Variants in SLCO2A1 observed in about 807,000 individuals in gnomAD.
SLCO2A1 encodes the protein solute carrier organic anion transporter family member 2A1.
Under a neutral mutation model 71.7 loss-of-function variants are expected in SLCO2A1, and 60 were observed. The ratio of observed to expected loss-of-function variants is 0.84; its 90% CI spans 0.68 to 1.04. SLCO2A1 has a LOEUF of 1.04. Ranked by LOEUF, SLCO2A1 falls within the 50% of genes least tolerant of loss-of-function variation. The probability of loss-of-function intolerance (pLI) is 0.00; values close to 1 mark genes in which losing one functional copy is unlikely to be tolerated. For synonymous variants in SLCO2A1, 308 were observed against 326.7 expected (o/e 0.94, Z 0.62); for missense variants, 745 against 813.4 (o/e 0.92, Z 1.02).
Position 133,934,557 on chromosome 3 carries a change from C to G in SLCO2A1, c.*156G>C, listed in dbSNP as rs1933218708. On this transcript the variant is annotated 3_prime_UTR_variant, in exon 14 of 14. Transcript: ENST00000310926. The stretch of plus-strand genomic sequence containing the variant: ...GCCCTTAGGAACTGTGGGGAGGACT[C>G]TGGGAGGAAGAGGTAGGGAAGGCAA... 6.8e-6 allele frequency: 4 copies of G among 587,472 alleles called. No homozygotes were observed. Among genetic ancestry groups the G allele is most frequent in the Non-Finnish European group, 1.2e-5 (4 of 329,740 alleles). The allele number at this position is 587,472 out of a possible 1,614,324, so 36.4% of individuals were successfully genotyped here. A position where few individuals can be genotyped will look rare whatever the true frequency, so the allele number is the denominator to read the frequency against.
chr3:134,029,636 A>C, intron 1 of SLCO2A1, 71 bp downstream of exon 1: 2 of 1,302,054 alleles, frequency 1.5e-6, no homozygotes, highest in Admixed American at 2.1e-5. Flanking sequence ...TCCGGCAGAC[A>C]GAAGCGGGTG....
chr3:133,988,409 G>T (rs904640726), intron 1 of SLCO2A1, among the ~76,000 whole-genome samples: 17 of 152,260 alleles, frequency 1.1e-4, no homozygotes, highest in African/African-American at 3.9e-4. Context: ...TAGGCTGGAA[G>T]CCCCCACTGC....
At chr3:134,021,123 T>G (rs1440570423) in intron 1 of SLCO2A1, among the ~76,000 whole-genome samples, 1 of 152,230 alleles carries the variant, frequency 6.6e-6, no homozygotes, top group Non-Finnish European at 1.5e-5. Flanking sequence ...GATTTTGGTT[T>G]TGATTTTGCT....
chr3:134,001,817 C>G (rs756897245), intron 1 of SLCO2A1, among the ~76,000 whole-genome samples: 10 of 152,170 alleles, frequency 6.6e-5, no homozygotes, highest in Admixed American at 2.0e-4. Context: ...GAGAGGCATG[C>G]TTGCTCCTCT....
intron 10 of SLCO2A1, among the ~76,000 whole-genome samples, chr3:133,943,777 G>C (rs978205661): frequency 3.9e-5 from 6 of 152,232 alleles, no homozygotes; most frequent in Non-Finnish European, 7.3e-5. Flanking sequence ...AGAGCATCTT[G>C]TCCAAGTTCC....
At chr3:133,997,225 T>C (rs1441047265) in intron 1 of SLCO2A1, among the ~76,000 whole-genome samples, 1 of 152,198 alleles carries the variant, frequency 6.6e-6, no homozygotes, top group Non-Finnish European at 1.5e-5. Context: ...TCCCCACGGC[T>C]GGTGCCACCC....
chr3:134,024,249 C>T (rs1016637802), intron 1 of SLCO2A1, among the ~76,000 whole-genome samples: 4 of 152,188 alleles, frequency 2.6e-5, no homozygotes, highest in African/African-American at 4.8e-5. Flanking sequence ...AATAAGACAT[C>T]GTAAAGCGAG....
intron 1 of SLCO2A1, among the ~76,000 whole-genome samples, chr3:134,017,298 G>C (rs528400471): frequency 1.3e-5 from 2 of 152,312 alleles, no homozygotes; most frequent in South Asian, 2.1e-4. Flanking sequence ...TTTTTCCTAT[G>C]AATCTGTAAT....
chr3:133,978,089 C>T (rs994856719), intron 2 of SLCO2A1, among the ~76,000 whole-genome samples: 3 of 152,178 alleles, frequency 2.0e-5, no homozygotes, highest in Non-Finnish European at 4.4e-5. Context: ...TATGTGCATG[C>T]ATGTCATATA....
chr3:134,029,639 A>G (rs1935780715), intron 1 of SLCO2A1, 68 bp downstream of exon 1: 3 of 1,332,022 alleles, frequency 2.3e-6, no homozygotes, highest in Non-Finnish European at 3.1e-6. Flanking sequence ...GGCAGACAGA[A>G]GCGGGTGCCC....
chr3:133,992,073 G>A (rs1045115696), intron 1 of SLCO2A1, among the ~76,000 whole-genome samples: 1 of 152,140 alleles, frequency 6.6e-6, no homozygotes, highest in Non-Finnish European at 1.5e-5. Context: ...TGACCGAATC[G>A]GACTTGCCCA....
intron 1 of SLCO2A1, among the ~76,000 whole-genome samples, chr3:134,026,347 T>C (rs74193868): frequency 0.073 from 11,003 of 151,068 alleles, 492 homozygotes; most frequent in Middle Eastern, 0.14. Context: ...CCCCACTGGA[T>C]TATACTAGAT....
At chr3:134,024,229 G>A (rs1049692707) in intron 1 of SLCO2A1, among the ~76,000 whole-genome samples, 2 of 152,206 alleles carry the variant, frequency 1.3e-5, no homozygotes, top group East Asian at 3.9e-4. Flanking sequence ...TCATCAACCA[G>A]AAGGAGAAAA....
chr3:133,935,922 G>T, intron 12 of SLCO2A1, 25 bp from the exon 13 acceptor site: 1 of 1,557,210 alleles, frequency 6.4e-7, no homozygotes, highest in South Asian at 1.2e-5. Context: ...AGAAAGCCCT[G>T]GTCAGGTGGA....
At chr3:133,949,817 G>GT (rs1933692074) in intron 6 of SLCO2A1, among the ~76,000 whole-genome samples, 1 of 152,072 alleles carries the variant, frequency 6.6e-6, no homozygotes, top group Admixed American at 6.6e-5. Flanking sequence ...CTAGTTCATT[G>GT]TTTTTTATTT....
At chr3:133,985,623 T>G (rs1390350283) in intron 1 of SLCO2A1, among the ~76,000 whole-genome samples, 1 of 152,244 alleles carries the variant, frequency 6.6e-6, no homozygotes, top group Non-Finnish European at 1.5e-5. Context: ...ATGCGTTTGA[T>G]TTCTCATTTA....
At chr3:133,954,153 CTTTT>C (rs60871049) in intron 4 of SLCO2A1, among the ~76,000 whole-genome samples, 2 of 60,898 alleles carry the variant, frequency 3.3e-5, no homozygotes, top group Non-Finnish European at 7.0e-5. Flanking sequence ...GTGGTGTGTT[CTTTT>C]TTTTTTTTTT....
At chr3:133,994,109 G>C (rs1177112898) in intron 1 of SLCO2A1, among the ~76,000 whole-genome samples, 1 of 152,118 alleles carries the variant, frequency 6.6e-6, no homozygotes, top group Non-Finnish European at 1.5e-5. Flanking sequence ...TCAACTCATT[G>C]ATTTACTTAT....
Position 133,935,871 on chromosome 3 carries a change from C to A in SLCO2A1, c.1717G>T (p.Gly573Cys). The A allele has an allele frequency of 6.2e-7, 1 of 1,607,654 alleles. No individual in the cohort carries two copies. Among genetic ancestry groups the A allele is most frequent in the Non-Finnish European group, 8.5e-7 (1 of 1,176,174 alleles). The part of the protein sequence containing the change: ...LAWLPSPALY[G>C]LTIDHSCIRW... Reference sequence around the variant, plus strand: ...ATGCAGGAGTGGTCAATGGTGAGGCCATAGAGGGCTGGAGATGGCAGCCAG... The same window carrying A: ...ATGCAGGAGTGGTCAATGGTGAGGCAATAGAGGGCTGGAGATGGCAGCCAG... Residue 573 changes from glycine to cysteine, a missense_variant, in exon 13 of 14, where the codon GGC (glycine) becomes TGC (cysteine). By Grantham distance (159) the Gly-to-Cys change is radical. Coordinates refer to ENST00000310926, the MANE Select transcript of SLCO2A1 (RefSeq NM_005630.3).
Sources: allele counts gnomAD v4.1 joint callset (sites outside exome capture counted in the v4.1 genomes callset), GRCh38; gene constraint gnomAD v4.1.1; transcripts MANE v1.5; gene names NCBI Gene and HGNC (gene_info 2026-07-23, HGNC 2026-07-21).